Variants in CHD6 observed in about 807,000 individuals in gnomAD.
CHD6 encodes the protein chromodomain helicase DNA binding protein 6, also known as ATP-dependent chromatin remodeler CHD6.
In CHD6, 50 loss-of-function variants were observed where a neutral mutation model predicts 276.9. The observed-to-expected ratio is 0.18, with a 90% confidence interval of 0.14 to 0.23. CHD6 has a LOEUF of 0.23. Ranked by LOEUF, CHD6 falls within the 10% of genes least tolerant of loss-of-function variation. The probability of loss-of-function intolerance (pLI) is 1.00; values close to 1 mark genes in which losing one functional copy is unlikely to be tolerated. For missense variants in CHD6, 2,564 were observed against 3,365.8 expected, an observed-to-expected ratio of 0.76 and a Z score of 5.89; for synonymous variants, 1,173 against 1,229.3, an observed-to-expected ratio of 0.95 and a Z score of 0.96.
intron 36 of CHD6, among the ~76,000 whole-genome samples, chr20:41,409,936 G>A (rs796200319): frequency 6.6e-6 from 1 of 152,216 alleles, no homozygotes; most frequent in African/African-American, 2.4e-5. Flanking sequence ...AAGTATATGT[G>A]TGTGTATACA....
chr20:41,456,885 C>T (rs1420797501), intron 18 of CHD6, among the ~76,000 whole-genome samples: 3 of 152,158 alleles, frequency 2.0e-5, no homozygotes, highest in Middle Eastern at 3.4e-3. Context: ...TGTTAGGGGC[C>T]GAGGGGACAT....
At chr20:41,617,971 C>T (rs2045951264) in intron 1 of CHD6, among the ~76,000 whole-genome samples, 1 of 146,556 alleles carries the variant, frequency 6.8e-6, no homozygotes. Flanking sequence ...GCACGCCCCG[C>T]CCCCGCCCGC....
chr20:41,586,899 GAAC>G (rs2045601509), intron 1 of CHD6, among the ~76,000 whole-genome samples: 1 of 152,126 alleles, frequency 6.6e-6, no homozygotes, highest in Non-Finnish European at 1.5e-5. Context: ...TTAAATTCAG[GAAC>G]AACACAAAGA....
At chr20:41,521,626 A>G (rs1474614339) in intron 3 of CHD6, among the ~76,000 whole-genome samples, 1 of 152,118 alleles carries the variant, frequency 6.6e-6, no homozygotes, top group East Asian at 1.9e-4. Context: ...TTTTCCCCCT[A>G]GTTTTGACAA....
At chr20:41,417,976 C>CAGTA (rs1245666194) in intron 31 of CHD6, among the ~76,000 whole-genome samples, 4 of 152,210 alleles carry the variant, frequency 2.6e-5, no homozygotes, top group African/African-American at 9.7e-5. Context: ...GATCCACTTA[C>CAGTA]AGGAAATGAA....
chr20:41,443,623 TCA>T (rs1240038394), intron 25 of CHD6, among the ~76,000 whole-genome samples: 3 of 152,238 alleles, frequency 2.0e-5, no homozygotes, highest in African/African-American at 7.2e-5. Flanking sequence ...GATGTCAACC[TCA>T]CTCTGTCCTC....
intron 18 of CHD6, 87 bp from the exon 19 acceptor site, chr20:41,456,066 T>C (rs1483364873): frequency 2.3e-6 from 3 of 1,280,282 alleles, no homozygotes; most frequent in East Asian, 4.9e-5. Flanking sequence ...ATTCAGTGCA[T>C]AGTTCCTCCA....
chr20:41,472,356 C>A (rs2043074857), intron 17 of CHD6, among the ~76,000 whole-genome samples: 1 of 152,178 alleles, frequency 6.6e-6, no homozygotes, highest in Admixed American at 6.5e-5. Context: ...CATCCCTTCT[C>A]TTGCAGTATC....
chr20:41,531,632 C>T (rs6029716), intron 3 of CHD6, among the ~76,000 whole-genome samples: 1 of 152,154 alleles, frequency 6.6e-6, no homozygotes, highest in South Asian at 2.1e-4. Flanking sequence ...TTTCTGTAAC[C>T]TACATTCCTG....
Position 41,452,928 on chromosome 20 carries a change from G to A in CHD6, c.3135C>T (p.Ile1045=), listed in dbSNP as rs2048282482. ...EAKNEKESLV[I]DRPRVRKQTK... ...TCTGCTTTCTCACGCGAGGTCGGTC[G>A]ATCACTAAGCTTTCCTAGAAATGGA... is the stretch of plus-strand genomic sequence containing the variant. Residue 1045 remains isoleucine, a synonymous_variant, in exon 21 of 37, where the codon ATC becomes ATT. Coordinates refer to ENST00000373233, the MANE Select transcript of CHD6 (RefSeq NM_032221.5). The surrounding 1 kb of genome is among the most constrained non-coding windows in gnomAD (Gnocchi z 4.2). 1.2e-6 allele frequency: 2 copies of A among 1,613,526 alleles called. No homozygotes were observed. Among genetic ancestry groups the A allele is most frequent in the Non-Finnish European group, 1.7e-6 (2 of 1,179,794 alleles).
intron 1 of CHD6, among the ~76,000 whole-genome samples, chr20:41,615,779 A>G (rs1010780635): frequency 2.6e-5 from 4 of 152,262 alleles, no homozygotes; most frequent in Non-Finnish European, 5.9e-5. Flanking sequence ...CATGAAAAAC[A>G]TAGGCACCTA....
At chr20:41,588,700 A>G (rs929895583) in intron 1 of CHD6, among the ~76,000 whole-genome samples, 2 of 152,180 alleles carry the variant, frequency 1.3e-5, no homozygotes, top group African/African-American at 2.4e-5. Context: ...CCTGCAAACT[A>G]AAAGAGTCTA....
chr20:41,509,022 C>A lies in CHD6; in HGVS notation c.852+3824G>T, dbSNP rs148764454. 6.4e-3 allele frequency among the ~76,000 whole-genome samples: 975 copies of A among 152,220 alleles called. 10 individuals are homozygous for A. Among genetic ancestry groups the A allele is most frequent in the Middle Eastern group, 0.024 (7 of 294 alleles). On this transcript the variant is annotated intron_variant, in intron 5 of 36. Transcript: ENST00000373233. ...CTAGCTACTAACCAACAGAAACATACAGTTCTACCTATGCTAAGCAAAAAT... is the reference window on the plus strand; with the variant it reads ...CTAGCTACTAACCAACAGAAACATAAAGTTCTACCTATGCTAAGCAAAAAT...
At chr20:41,583,857 C>A (rs964962247) in intron 1 of CHD6, among the ~76,000 whole-genome samples, 2 of 151,874 alleles carry the variant, frequency 1.3e-5, no homozygotes, top group Admixed American at 1.3e-4. Flanking sequence ...CAAGGACAAT[C>A]ACTAAATTTT....
chr20:41,440,181 T>C lies in CHD6; in HGVS notation c.3878-52A>G, dbSNP rs567483255. The C allele has an allele frequency of 2.5e-5, 39 of 1,569,930 alleles. No individual in the cohort carries two copies. The South Asian group carries it at 4.2e-4, about 17-fold the overall frequency. ...GAAGTCATGTTAGAACTCACAATAT[T>C]TGCTTTGGGCACTAGTCTTTTTGTT... On this transcript the variant is annotated intron_variant, in intron 25 of 36. Transcript: ENST00000373233.
At chr20:41,566,591 A>C (rs76837504) in intron 1 of CHD6, among the ~76,000 whole-genome samples, 20,079 of 152,156 alleles carry the variant, frequency 0.13, 1,566 homozygotes, top group East Asian at 0.18. Flanking sequence ...CTTATGCCCA[A>C]GTAGAGGATT....
intron 18 of CHD6, among the ~76,000 whole-genome samples, chr20:41,456,600 T>C (rs1167778049): frequency 1.3e-5 from 2 of 152,150 alleles, no homozygotes; most frequent in Non-Finnish European, 2.9e-5. Context: ...TAGCAACATA[T>C]GCATAGCTAA....
intron 1 of CHD6, among the ~76,000 whole-genome samples, chr20:41,552,127 T>A (rs181360732): frequency 4.9e-4 from 75 of 152,354 alleles, no homozygotes; most frequent in Non-Finnish European, 9.1e-4. Context: ...TGGGGCTGCC[T>A]GCATCACTAA....
intron 27 of CHD6, among the ~76,000 whole-genome samples, chr20:41,435,325 A>G (rs953120440): frequency 6.6e-6 from 1 of 152,174 alleles, no homozygotes; most frequent in African/African-American, 2.4e-5. Context: ...GCTGGGCACA[A>G]TGGCTCATGC....
Sources: allele counts gnomAD v4.1 joint callset (sites outside exome capture counted in the v4.1 genomes callset), GRCh38; gene constraint gnomAD v4.1.1; non-coding constraint Gnocchi (gnomAD v3.1); transcripts MANE v1.5; gene names NCBI Gene and HGNC (gene_info 2026-07-23, HGNC 2026-07-21).